LIPA: variants seen among roughly 807,000 people sequenced by gnomAD.
LIPA encodes lipase A, lysosomal acid type.
Under a neutral mutation model 40.6 loss-of-function variants are expected in LIPA, and 26 were observed. That is an observed-to-expected ratio of 0.64 (90% CI 0.47 to 0.89). The LOEUF (loss-of-function observed/expected upper bound fraction) is 0.89. Among genes scored for constraint, LIPA ranks in the 40% least tolerant of loss-of-function variants. LIPA has a pLI of 0.00. For missense variants in LIPA, 455 were observed against 479.6 expected (o/e 0.95, Z 0.48); for synonymous variants, 188 against 168.4 (o/e 1.12, Z -0.90).
At chr10:89,373,334 C>CA (rs34479360) in intron 2 of LIPA, among the ~76,000 whole-genome samples, 1,866 of 62,008 alleles carry the variant, frequency 0.03, 36 homozygotes, top group African/African-American at 0.046. Flanking sequence ...GACTCCCTCT[C>CA]AAAAAAAAAA....
chr10:89,414,595 A>G, upstream of LIPA: 1 of 483,910 alleles, frequency 2.1e-6, no homozygotes, highest in Non-Finnish European at 3.6e-6. Context: ...CATCTGATTC[A>G]ATCTCCAGTT....
chr10:89,365,211 C>T (rs1032051684), intron 2 of LIPA, among the ~76,000 whole-genome samples: 5 of 152,184 alleles, frequency 3.3e-5, no homozygotes, highest in Non-Finnish European at 7.3e-5. Context: ...CTGGCCTCTC[C>T]TTGAATTCCT....
At chr10:89,363,957 A>G (rs973941074) in intron 2 of LIPA, among the ~76,000 whole-genome samples, 18 of 152,330 alleles carry the variant, frequency 1.2e-4, no homozygotes, top group African/African-American at 3.8e-4. Context: ...AGGGGAAAAG[A>G]AAGTGAAGCT....
At chr10:89,413,729 T>A (rs1374421769) in intron 1 of LIPA, among the ~76,000 whole-genome samples, 1 of 145,320 alleles carries the variant, frequency 6.9e-6, no homozygotes, top group Non-Finnish European at 1.5e-5. Flanking sequence ...ATCTCACCAC[T>A]GCACTCCAAC....
intron 3 of LIPA, among the ~76,000 whole-genome samples, chr10:89,233,730 G>A (rs554518295): frequency 1.4e-4 from 22 of 152,242 alleles, no homozygotes; most frequent in Admixed American, 5.9e-4. Context: ...TGAAACCCTC[G>A]TGGTGGGTGC....
chr10:89,216,443 G>C (rs1396236684), intron 8 of LIPA, among the ~76,000 whole-genome samples: 3 of 149,472 alleles, frequency 2.0e-5, no homozygotes, highest in Non-Finnish European at 4.4e-5. Flanking sequence ...GAGAGAGAGA[G>C]AGATGGATAT....
intron 2 of LIPA, among the ~76,000 whole-genome samples, chr10:89,374,218 G>T (rs1009824448): frequency 6.6e-6 from 1 of 152,202 alleles, no homozygotes; most frequent in Non-Finnish European, 1.5e-5. Flanking sequence ...GTTGATAGTG[G>T]TTAAGTTTTA....
intron 5 of LIPA, 50 bp from the exon 6 acceptor site, chr10:89,225,278 T>C (rs1408959011): frequency 6.2e-7 from 1 of 1,611,912 alleles, no homozygotes; most frequent in South Asian, 1.1e-5. Flanking sequence ...TGGGATTTCC[T>C]TCTCAGAAAA....
rs980865691 is a variant in LIPA at position 89,286,447 on chromosome 10, C to T, written c.-1-38798G>A. ...TCACACCCAGTCCAGCTTCCAGTTT[C>T]GTTCTGCGACTAGCCCTCCCGGACC... is the stretch of plus-strand genomic sequence containing the variant. On this transcript the variant is annotated intron_variant, in intron 1 of 5. Transcript: ENST00000282673. 9.2e-5 allele frequency among the ~76,000 whole-genome samples: 14 copies of T among 152,232 alleles called. No individual in the cohort carries two copies. In the East Asian group the frequency reaches 1.9e-3, roughly 21 times the overall value.
At chr10:89,277,946 G>C (rs1843296885) in intron 1 of LIPA, 2 of 152,138 alleles carry the variant, frequency 1.3e-5, no homozygotes, top group Non-Finnish European at 1.5e-5. Flanking sequence ...AAATTACAAA[G>C]GTAACTTGGA....
At chr10:89,384,660 G>A in intron 2 of LIPA, 2 of 1,614,228 alleles carry the variant, frequency 1.2e-6, no homozygotes, top group Non-Finnish European at 1.7e-6. Context: ...TCCACAAATT[G>A]AAAGGAGAAG....
intron 2 of LIPA, among the ~76,000 whole-genome samples, chr10:89,407,450 T>A (rs955400738): frequency 2.7e-5 from 4 of 147,412 alleles, no homozygotes; most frequent in African/African-American, 9.7e-5. Context: ...GAGAAAGACA[T>A]AATTTTTGCC....
At chr10:89,312,395 C>T (rs1050727869) in intron 1 of LIPA, among the ~76,000 whole-genome samples, 5 of 151,886 alleles carry the variant, frequency 3.3e-5, no homozygotes, top group Non-Finnish European at 7.4e-5. Flanking sequence ...GAGCTGAGAT[C>T]GTGCCACTGC....
chr10:89,390,899 C>T (rs1004534389), intron 2 of LIPA, among the ~76,000 whole-genome samples: 20 of 152,196 alleles, frequency 1.3e-4, no homozygotes, highest in African/African-American at 4.6e-4. Context: ...TTTTCTAATT[C>T]ATCTGTTTCA....
chr10:89,287,246 G>C (rs1006467127), intron 1 of LIPA, among the ~76,000 whole-genome samples: 1 of 152,162 alleles, frequency 6.6e-6, no homozygotes, highest in African/African-American at 2.4e-5. Flanking sequence ...TAGAGGGTAA[G>C]TCCATTCCCT....
chr10:89,305,854 G>A, intron 1 of LIPA: 1 of 754,988 alleles, frequency 1.3e-6, no homozygotes, highest in East Asian at 2.5e-5. Context: ...GAGTTTCTTT[G>A]ATTTGTGTTA....
At chr10:89,380,837 G>A (rs147985055) in intron 2 of LIPA, among the ~76,000 whole-genome samples, 70 of 152,274 alleles carry the variant, frequency 4.6e-4, no homozygotes, top group African/African-American at 1.6e-3. Flanking sequence ...TAGAGAGTGA[G>A]GACACCTCTA....
In LIPA at chr10:89,228,480, A is replaced by G. The variant is rs1488015551; in HGVS notation, c.230-82T>C. ...TATCTTGCTAAATAGAACATTCGTAAAAGATCCATAAGCAAATAATGAACT... is the reference window on the plus strand; with the variant it reads ...TATCTTGCTAAATAGAACATTCGTAGAAGATCCATAAGCAAATAATGAACT... On this transcript the variant is annotated intron_variant, in intron 3 of 9. Coordinates refer to ENST00000336233, the MANE Select transcript of LIPA (RefSeq NM_000235.4). 2.1e-5 allele frequency: 24 copies of G among 1,126,912 alleles called. No homozygotes were observed. The Admixed American group carries it at 4.1e-4, about 19-fold the overall frequency. 69.8% of individuals were successfully genotyped at this position (1,126,912 alleles called of 1,614,324 possible).
Position 89,313,383 on chromosome 10 carries a change from T to C in LIPA, c.-2+29228A>G, listed in dbSNP as rs571877972. Reference sequence around the variant, plus strand: ...TCCTACAGCCTTCTCTCTCTTTCAGTAACTCATCTCTTGAGATCTCAGATA... The same window carrying C: ...TCCTACAGCCTTCTCTCTCTTTCAGCAACTCATCTCTTGAGATCTCAGATA... On this transcript the variant is annotated intron_variant, in intron 1 of 5. Transcript: ENST00000282673. Among the ~76,000 whole-genome samples the C allele has an allele frequency of 2.0e-5, 3 of 152,350 alleles. No homozygotes were observed. In the East Asian group the frequency reaches 5.8e-4, roughly 29 times the overall value.
Sources: gnomAD v4.1 joint callset for allele counts (sites outside exome capture counted in the v4.1 genomes callset) on GRCh38, gnomAD v4.1.1 for gene constraint, MANE v1.5 for transcripts, NCBI Gene and HGNC (gene_info 2026-07-23, HGNC 2026-07-21) for gene names.